SPAG16: variants seen among roughly 807,000 people sequenced by gnomAD.
SPAG16 encodes sperm associated antigen 16.
Under a neutral mutation model 80.4 loss-of-function variants are expected in SPAG16, and 86 were observed. The observed-to-expected ratio is 1.07, with a 90% CI of 0.90 to 1.28. The LOEUF (loss-of-function observed/expected upper bound fraction) is 1.28, where lower values mean the gene tolerates loss of function less well. Ranked by LOEUF, SPAG16 falls within the 50% of genes most tolerant of loss-of-function variation. The probability of loss-of-function intolerance (pLI) is 0.00; values close to 1 mark genes in which losing one functional copy is unlikely to be tolerated. For missense variants in SPAG16, 870 were observed against 765.3 expected (o/e 1.14, Z -1.61); for synonymous variants, 294 against 265.9 (o/e 1.11, Z -1.03).
chr2:213,967,404 G>T (rs2106369109), intron 12 of SPAG16, among the ~76,000 whole-genome samples: 1 of 152,044 alleles, frequency 6.6e-6, no homozygotes, highest in South Asian at 2.1e-4. Context: ...AAATCTTAAA[G>T]GTAAATGAAA....
intron 9 of SPAG16, among the ~76,000 whole-genome samples, chr2:213,405,224 C>T (rs1049721910): frequency 4.6e-5 from 7 of 152,122 alleles, no homozygotes; most frequent in Non-Finnish European, 8.8e-5. Context: ...AAACATCCTA[C>T]AGTTAATTTT....
chr2:213,337,726 TAA>T (rs1377553128), intron 5 of SPAG16, among the ~76,000 whole-genome samples: 1 of 151,920 alleles, frequency 6.6e-6, no homozygotes, highest in Admixed American at 6.6e-5. Flanking sequence ...GTGATTATGT[TAA>T]AAAACCAAAC....
intron 9 of SPAG16, among the ~76,000 whole-genome samples, chr2:213,476,335 A>G (rs1197503731): frequency 6.6e-6 from 1 of 152,224 alleles, no homozygotes; most frequent in Non-Finnish European, 1.5e-5. Flanking sequence ...GATACCTTCA[A>G]TTGCCCCAGG....
intron 13 of SPAG16, among the ~76,000 whole-genome samples, chr2:214,076,577 A>G (rs997110162): frequency 6.6e-6 from 1 of 150,922 alleles, no homozygotes; most frequent in Non-Finnish European, 1.5e-5. Flanking sequence ...TTGTGTTGAG[A>G]GAGTGTATGC....
intron 13 of SPAG16, among the ~76,000 whole-genome samples, chr2:214,021,241 T>C (rs905905974): frequency 6.6e-6 from 1 of 152,192 alleles, no homozygotes. Flanking sequence ...TTTTACAAAA[T>C]ATTATAAAGA....
intron 12 of SPAG16, among the ~76,000 whole-genome samples, chr2:213,983,474 AT>A: frequency 6.6e-6 from 1 of 151,950 alleles, no homozygotes; most frequent in Non-Finnish European, 1.5e-5. Context: ...AAATGTCATA[AT>A]TTATTATAAC....
At chr2:214,059,186 C>CGATATATATATATATATATATATATA (rs2050102081) in intron 13 of SPAG16, among the ~76,000 whole-genome samples, 1 of 114,390 alleles carries the variant, frequency 8.7e-6, no homozygotes, top group African/African-American at 3.5e-5. Context: ...CTCTCTCTGT[C>CGATATATATATATATATATATATATA]TATATATATA....
rs545173248 is a variant in SPAG16 at position 213,459,729 on chromosome 2, C to T, written c.943-30234C>T. ...GTGCAAGGCTCATCTGCATGCATGT[C>T]GCTATTCTCTTGGATTGTGAATCTA... On this transcript the variant is annotated intron_variant, in intron 9 of 15. Transcript: ENST00000331683. Among the ~76,000 whole-genome samples, 249 of 152,322 alleles carry T rather than the reference C, an allele frequency of 1.6e-3. 1 individual carries two copies. The highest frequency in any genetic ancestry group is 3.4e-3 in the Middle Eastern group (1 of 294).
intron 10 of SPAG16, among the ~76,000 whole-genome samples, chr2:213,565,248 G>A (rs1375780145): frequency 6.6e-6 from 1 of 152,018 alleles, no homozygotes; most frequent in Non-Finnish European, 1.5e-5. Context: ...TACATTACAG[G>A]CTCTATTATA....
At chr2:214,399,976 C>T (rs983157983) in intron 15 of SPAG16, among the ~76,000 whole-genome samples, 1 of 152,006 alleles carries the variant, frequency 6.6e-6, no homozygotes, top group Non-Finnish European at 1.5e-5. Flanking sequence ...AATAGGTCTA[C>T]AAGGATTTCT....
At chr2:213,389,395 A>G (rs1450422953) in intron 9 of SPAG16, among the ~76,000 whole-genome samples, 1 of 152,170 alleles carries the variant, frequency 6.6e-6, no homozygotes, top group Non-Finnish European at 1.5e-5. Context: ...ACAGGCAACA[A>G]TAGAAAAACT....
chr2:213,849,279 C>T (rs1372281877), intron 10 of SPAG16, among the ~76,000 whole-genome samples: 2 of 152,018 alleles, frequency 1.3e-5, no homozygotes, highest in Non-Finnish European at 2.9e-5. Flanking sequence ...AACACATCAC[C>T]GTGAGAATGG....
chr2:213,567,285 G>T (rs1478477147), intron 10 of SPAG16, among the ~76,000 whole-genome samples: 2 of 139,502 alleles, frequency 1.4e-5, no homozygotes, highest in African/African-American at 2.8e-5. Flanking sequence ...ACATTGTGCA[G>T]GTTAGTTACA....
At chr2:214,273,550 T>A (rs561908462) in intron 15 of SPAG16, among the ~76,000 whole-genome samples, 1 of 152,188 alleles carries the variant, frequency 6.6e-6, no homozygotes, top group African/African-American at 2.4e-5. Flanking sequence ...AAATAGTGAA[T>A]CCTTTCCCCA....
At chr2:213,631,647 AT>A (rs1373022096) in intron 10 of SPAG16, among the ~76,000 whole-genome samples, 6 of 151,990 alleles carry the variant, frequency 3.9e-5, no homozygotes, top group African/African-American at 1.5e-4. Flanking sequence ...ATCCATTTTG[AT>A]TTGATTTTTG....
intron 15 of SPAG16, among the ~76,000 whole-genome samples, chr2:214,379,330 T>TAATA (rs1700317441): frequency 1.3e-5 from 2 of 152,340 alleles, no homozygotes; most frequent in South Asian, 4.1e-4. Context: ...TTATTTTCTC[T>TAATA]AATATTACAG....
At chr2:213,361,789 CCACA>C (rs10585217) in intron 7 of SPAG16, among the ~76,000 whole-genome samples, 48,781 of 139,862 alleles carry the variant, frequency 0.35, 8,477 homozygotes, top group South Asian at 0.5. Context: ...ACTGATAATG[CCACA>C]CACACACACA....
At chr2:213,870,408 T>C (rs2105982913) in intron 11 of SPAG16, among the ~76,000 whole-genome samples, 1 of 152,280 alleles carries the variant, frequency 6.6e-6, no homozygotes, top group East Asian at 1.9e-4. Context: ...GTATTATAGA[T>C]AAATTTATGT....
At chr2:213,739,608 T>A (rs1285221766) in intron 10 of SPAG16, among the ~76,000 whole-genome samples, 1 of 152,228 alleles carries the variant, frequency 6.6e-6, no homozygotes, top group Admixed American at 6.5e-5. Flanking sequence ...GCTTTTTCTT[T>A]TTTTTCCTCC....
Sources: gnomAD v4.1 joint callset for allele counts (sites outside exome capture counted in the v4.1 genomes callset) on GRCh38, gnomAD v4.1.1 for gene constraint, MANE v1.5 for transcripts, NCBI Gene and HGNC (gene_info 2026-07-23, HGNC 2026-07-21) for gene names.